Variants in KLHL35 observed in about 807,000 individuals in gnomAD.
KLHL35 encodes the protein kelch like family member 35, also known as kelch-like protein 35.
KLHL35 carries 50 observed loss-of-function variants against 44.0 expected under a neutral mutation model. That is an observed-to-expected ratio of 1.14 (90% confidence interval 0.91 to 1.44). The LOEUF is 1.44. KLHL35 is among the 40% of genes most tolerant of loss of function. KLHL35 has a pLI of 0.00. For missense variants in KLHL35, 1,049 were observed against 887.8 expected (o/e 1.18, Z -2.31); for synonymous variants, 470 against 410.4 (o/e 1.15, Z -1.76).
At position 75,428,672 on chromosome 11, in the gene KLHL35, C is replaced by T. The variant is rs1227289576; in HGVS notation, c.882-46G>A. ...GTGCCTGTTGGGCCGCACCCAAGTT[C>T]GGCCCTCTCTTACCCTCTCGACCAC... On this transcript the variant is annotated intron_variant, in intron 2 of 6. Coordinates refer to ENST00000539798, the MANE Select transcript of KLHL35 (RefSeq NM_001039548.3). The T allele has an allele frequency of 3.3e-6, 5 of 1,506,922 alleles. No individual in the cohort carries two copies. In the African/African-American group the frequency reaches 5.5e-5, roughly 17 times the overall value. 93.3% of individuals were successfully genotyped at this position (1,506,922 alleles called of 1,614,324 possible).
chr11:75,428,306 T>G, intron 3 of KLHL35, 136 bp downstream of exon 3: 1 of 984,584 alleles, frequency 1.0e-6, no homozygotes. Context: ...TTAGCCCTGC[T>G]CACTTCAGCC....
Position 75,426,384 on chromosome 11 carries a change from TG to T in KLHL35, c.1185+135del, listed in dbSNP as rs1948492520. The T allele has an allele frequency of 1.0e-5, 6 of 576,094 alleles. No homozygotes were observed. In the South Asian group the frequency reaches 1.3e-4, roughly 12 times the overall value. The allele number at this position is 576,094 out of a possible 1,614,324, so 35.7% of individuals were successfully genotyped here. A position where few individuals can be genotyped will look rare whatever the true frequency, so the allele number is the denominator to read the frequency against. ...ATTATTAGCATCAGCCATTATTATG[TG>T]ACCTTGGACAAGTCTCCTTTTTTGG... On this transcript the variant is annotated intron_variant, in intron 4 of 6. Transcript: ENST00000539798.
At chr11:75,429,544 T>C (rs1008493316) in intron 2 of KLHL35, among the ~76,000 whole-genome samples, 3 of 152,132 alleles carry the variant, frequency 2.0e-5, no homozygotes, top group African/African-American at 4.8e-5. Context: ...CCAAAGAGAG[T>C]GTGCGCAGCT....
At position 75,425,446 on chromosome 11, in the gene KLHL35, C is replaced by T; in HGVS notation, c.1321G>A (p.Gly441Ser). 1 of 1,571,154 alleles carries T rather than the reference C, an allele frequency of 6.4e-7. No individual in the cohort carries two copies. Among genetic ancestry groups the T allele is most frequent in the Non-Finnish European group, 8.6e-7 (1 of 1,164,924 alleles). The change falls in exon 5 of 7, where the codon GGC becomes AGC. Residue 441 changes from glycine (G) to serine (S), a missense_variant. Coordinates refer to ENST00000539798, the MANE Select transcript of KLHL35 (RefSeq NM_001039548.3). ...GCGCCCCCAATCACGAAGAGCTTGC[C>T]CGCGCAGGACGCCACCGCCGCCGAG... ...VSSAAVASCA[G>S]KLFVIGGARQ...
At chr11:75,426,756 G>C in intron 3 of KLHL35, 118 bp from the exon 4 acceptor site, 1 of 631,826 alleles carries the variant, frequency 1.6e-6, no homozygotes, top group Non-Finnish European at 2.8e-6. Context: ...GCAGCAGGAG[G>C]ACTTCTTGAG....
At chr11:75,425,266 T>G in intron 5 of KLHL35, 127 bp downstream of exon 5, 1 of 1,020,508 alleles carries the variant, frequency 9.8e-7, no homozygotes, top group South Asian at 1.9e-5. Flanking sequence ...TGGAGGTGAC[T>G]GGTCTGGGCT....
rs753740951 is a variant in KLHL35, at chr11:75,425,433, A to C, written c.1334T>G (p.Val445Gly). ...AVASCAGKLF[V>G]IGGARQGGVN... is the part of the protein sequence containing the mutation. ...GCCGCCCTGCCTGGCGCCCCCAATCACGAAGAGCTTGCCCGCGCAGGACGC... is the reference window on the plus strand; with the variant it reads ...GCCGCCCTGCCTGGCGCCCCCAATCCCGAAGAGCTTGCCCGCGCAGGACGC... Residue 445 changes from valine (V) to glycine (G), a missense_variant, in exon 5 of 7, where the codon GTG (valine) becomes GGG (glycine). Physicochemically the swap from Val to Gly is moderately radical, Grantham distance 109. Transcript: ENST00000539798. 2 of 1,570,208 alleles carry C rather than the reference A, an allele frequency of 1.3e-6. No homozygotes were observed. Among genetic ancestry groups the C allele is most frequent in the South Asian group, 2.3e-5 (2 of 86,642 alleles).
At position 75,422,451 on chromosome 11, in the gene KLHL35, T is replaced by A. The variant is rs77761323; in HGVS notation, c.*129A>T. On this transcript the variant is annotated 3_prime_UTR_variant, in exon 7 of 7. Transcript: ENST00000539798. ...CAGCTGGAACACAGACCCAACAAGA[T>A]TTTATTTATACAAGAAAAGGGACCA... The A allele has an allele frequency of 1.2e-3, 959 of 823,238 alleles. 14 individuals carry two copies. In the African/African-American group the frequency reaches 0.015, roughly 13 times the overall value. 51.0% of individuals were successfully genotyped at this position (823,238 alleles called of 1,614,324 possible).
At chr11:75,426,344 A>T in intron 4 of KLHL35, 176 bp downstream of exon 4, 1 of 533,596 alleles carries the variant, frequency 1.9e-6, no homozygotes, top group Non-Finnish European at 3.4e-6. Context: ...TGTTACTATT[A>T]CAGTAATTGC....
intron 5 of KLHL35, 116 bp from the exon 6 acceptor site, chr11:75,423,996 G>A: frequency 1.3e-6 from 1 of 782,620 alleles, no homozygotes. Flanking sequence ...ACATTTGCCA[G>A]TGTCCACCAG....
At position 75,426,597 on chromosome 11, in the gene KLHL35, G is replaced by A. The variant is rs750970363; in HGVS notation, c.1108C>T (p.His370Tyr). 8.1e-6 allele frequency: 13 copies of A among 1,606,188 alleles called. No individual in the cohort carries two copies. The highest frequency in any genetic ancestry group is 1.1e-5 in the Non-Finnish European group (13 of 1,177,286). Residue 370 changes from histidine to tyrosine, a missense_variant, in exon 4 of 7, where the codon CAT (histidine) becomes TAT (tyrosine). His to Tyr is a moderately conservative substitution (Grantham distance 83, BLOSUM62 2). Transcript: ENST00000539798. The stretch of plus-strand genomic sequence containing the variant: ...GCTACCTTGATCCAGGTGTGCAGAT[G>A]GGAGCTAAACATCCACACATCATGA... ...NSHDVWMFSSHLHTWIKVASL... is the reference protein window; with the variant it reads ...NSHDVWMFSSYLHTWIKVASL...
At position 75,430,351 on chromosome 11, in the gene KLHL35, G is replaced by A; in HGVS notation, c.279C>T (p.Gly93=). The A allele has an allele frequency of 7.6e-7, 1 of 1,319,986 alleles. No individual in the cohort carries two copies. Among genetic ancestry groups the A allele is most frequent in the Non-Finnish European group, 9.7e-7 (1 of 1,033,176 alleles). 81.8% of individuals were successfully genotyped at this position (1,319,986 alleles called of 1,614,324 possible). ...PVVPVAPEAP[G]TSPAGAAAAL... is the part of the protein sequence containing the mutation. ...CCGCCGCCGCCCCGGCCGGGCTCGT[G>A]CCTGGCGCCTCGGGAGCTACTGGCA... Residue 93 remains glycine (G), a synonymous_variant, in exon 2 of 7, where the codon GGC becomes GGT. Transcript: ENST00000539798.
At chr11:75,425,273 G>T in intron 5 of KLHL35, 120 bp downstream of exon 5, 1 of 1,119,126 alleles carries the variant, frequency 8.9e-7, no homozygotes, top group Non-Finnish European at 1.2e-6. Context: ...GACTGGTCTG[G>T]GCTGTTGATG....
Position 75,427,765 on chromosome 11 carries a change from G to A in KLHL35, c.1066+677C>T, listed in dbSNP as rs12286009. On this transcript the variant is annotated intron_variant, in intron 3 of 6. Coordinates refer to ENST00000539798, the MANE Select transcript of KLHL35 (RefSeq NM_001039548.3). ...CCTTTCTGCATGTCCCTGCCCTTGT[G>A]CCTTTGCCCATACTGTTCCCTCCAA... 7.1e-3 allele frequency among the ~76,000 whole-genome samples: 1,075 copies of A among 152,292 alleles called. 20 individuals carry two copies. The highest frequency in any genetic ancestry group is 0.025 in the African/African-American group (1,027 of 41,540).
rs774562334 is a variant in KLHL35, at chr11:75,429,751, C to T, written c.879G>A (p.Arg293=). Residue 293 remains arginine, a splice_region_variant and synonymous_variant, in exon 2 of 7, where the codon CGG becomes CGA. Transcript: ENST00000539798. ...REAGALRTRP[R]RFMDLAEVIV... is the part of the protein sequence containing the mutation. Reference sequence around the variant, plus strand: ...AAGCTAGGGGATGGCGGCCCTACCTCCGCGGCCGGGTCCGCAGCGCACCGG... The same window carrying T: ...AAGCTAGGGGATGGCGGCCCTACCTTCGCGGCCGGGTCCGCAGCGCACCGG... 1 of 1,462,732 alleles carries T rather than the reference C, an allele frequency of 6.8e-7. No homozygotes were observed. The highest frequency in any genetic ancestry group is 9.0e-7 in the Non-Finnish European group (1 of 1,114,548). 90.6% of individuals were successfully genotyped at this position (1,462,732 alleles called of 1,614,324 possible). A position where few individuals can be genotyped will look rare whatever the true frequency, so the allele number is the denominator to read the frequency against.
intron 1 of KLHL35, among the ~76,000 whole-genome samples, chr11:75,432,277 G>C (rs1007545597): frequency 6.6e-6 from 1 of 152,154 alleles, no homozygotes; most frequent in African/African-American, 2.4e-5. Context: ...TTCATGCCCT[G>C]GTCATCCAGG....
At chr11:75,431,606 C>A (rs915568166) in intron 1 of KLHL35, among the ~76,000 whole-genome samples, 6 of 152,190 alleles carry the variant, frequency 3.9e-5, no homozygotes, top group African/African-American at 9.7e-5. Flanking sequence ...CAGGTAGCAC[C>A]GTCAGAAAGT....
At chr11:75,425,643 C>A in intron 4 of KLHL35, 62 bp from the exon 5 acceptor site, 1 of 1,319,688 alleles carries the variant, frequency 7.6e-7, no homozygotes, top group Non-Finnish European at 9.9e-7. Context: ...TCGGCCTCAT[C>A]GCTTCAGTCC....
At chr11:75,425,831 A>G (rs934358908) in intron 4 of KLHL35, 1 of 398,166 alleles carries the variant, frequency 2.5e-6, no homozygotes, top group Non-Finnish European at 4.4e-6. Flanking sequence ...TACAGCTGTA[A>G]AATACCTGGC....
Sources: gnomAD v4.1 joint callset for allele counts (sites outside exome capture counted in the v4.1 genomes callset) on GRCh38, gnomAD v4.1.1 for gene constraint, MANE v1.5 for transcripts, NCBI Gene and HGNC (gene_info 2026-07-23, HGNC 2026-07-21) for gene names.